Variants in GRID1 observed in about 807,000 individuals in gnomAD.
The protein encoded by GRID1 is glutamate ionotropic receptor delta type subunit 1, also known as glutamate receptor ionotropic, delta-1.
Under a neutral mutation model 98.0 loss-of-function variants are expected in GRID1, and 28 were observed. The observed-to-expected ratio is 0.29, with a 90% confidence interval of 0.21 to 0.39. GRID1 has a LOEUF of 0.39. GRID1 is among the 10% of genes least tolerant of loss of function. The pLI is 1.00. For missense variants in GRID1, 1,111 were observed against 1,340.5 expected, an observed-to-expected ratio of 0.83 and a Z score of 2.67; for synonymous variants, 553 against 538.5, an observed-to-expected ratio of 1.03 and a Z score of -0.37.
intron 4 of GRID1, among the ~76,000 whole-genome samples, chr10:85,969,790 A>T (rs898903400): frequency 1.3e-5 from 2 of 152,038 alleles, no homozygotes; most frequent in African/African-American, 2.4e-5. Context: ...GAAACTAAAA[A>T]GATAAAGAGC....
chr10:86,063,816 C>T (rs184658236), intron 4 of GRID1, among the ~76,000 whole-genome samples: 26 of 152,212 alleles, frequency 1.7e-4, no homozygotes, highest in African/African-American at 6.0e-4. Context: ...AACTCAGGGG[C>T]CTGTTTTTAT....
At chr10:85,667,965 G>A (rs1304071729) in intron 12 of GRID1, among the ~76,000 whole-genome samples, 1 of 152,166 alleles carries the variant, frequency 6.6e-6, no homozygotes, top group East Asian at 1.9e-4. Context: ...CTAAGCCCTA[G>A]GCAAAGGCCA....
intron 12 of GRID1, among the ~76,000 whole-genome samples, chr10:85,676,154 T>C (rs1028265996): frequency 6.6e-5 from 10 of 152,334 alleles, no homozygotes; most frequent in South Asian, 2.1e-4. Context: ...TGGATACTTT[T>C]AGTGTTTCAC....
chr10:85,619,898 C>T lies in GRID1; in HGVS notation c.2329G>A (p.Gly777Ser). The change falls in exon 14 of 16, where the codon GGC becomes AGC. Residue 777 changes from glycine (G) to serine (S), a missense_variant. Physicochemically the swap from Gly to Ser is moderately conservative, Grantham distance 56 (BLOSUM62 0). This residue lies in a region of GRID1 where 762 missense variants were observed against 869.1 expected (regional missense o/e 0.88). Transcript: ENST00000327946. ...SKGYGIALQH[G>S]SPYRDLFSQR... ...GAGAAGAGGTCCCTGTAGGGGCTGC[C>T]ATGCTGCAGGGCAATCCCGTAACCC... is the stretch of plus-strand genomic sequence containing the variant. The T allele has an allele frequency of 1.2e-6, 2 of 1,614,176 alleles. No homozygotes were observed. Among genetic ancestry groups the T allele is most frequent in the South Asian group, 2.2e-5 (2 of 91,084 alleles).
At chr10:85,848,570 T>A (rs1006755779) in intron 8 of GRID1, among the ~76,000 whole-genome samples, 1 of 152,176 alleles carries the variant, frequency 6.6e-6, no homozygotes, top group African/African-American at 2.4e-5. Context: ...TTGATAAATA[T>A]ACATATCATG....
chr10:86,110,514 G>T (rs1427469858), intron 4 of GRID1, among the ~76,000 whole-genome samples: 3 of 152,168 alleles, frequency 2.0e-5, no homozygotes, highest in Non-Finnish European at 4.4e-5. Context: ...GCAATGGGGG[G>T]AAAGCTGGGC....
At chr10:85,857,790 C>A (rs923819319) in intron 6 of GRID1, among the ~76,000 whole-genome samples, 3 of 152,162 alleles carry the variant, frequency 2.0e-5, no homozygotes, top group Non-Finnish European at 4.4e-5. Context: ...GCTCCTTGGG[C>A]TGCAAAAAGA....
intron 8 of GRID1, among the ~76,000 whole-genome samples, chr10:85,828,882 A>ATTCC (rs1564603140): frequency 6.6e-6 from 1 of 152,200 alleles, no homozygotes. Context: ...CAGGTGTATA[A>ATTCC]AGAAGAGCTG....
At chr10:85,937,103 A>G (rs759634831) in intron 4 of GRID1, among the ~76,000 whole-genome samples, 1 of 152,168 alleles carries the variant, frequency 6.6e-6, no homozygotes, top group Non-Finnish European at 1.5e-5. Context: ...GTGGTTTTCA[A>G]CCCTGCACAT....
chr10:86,007,800 GT>G (rs965634164), intron 4 of GRID1, among the ~76,000 whole-genome samples: 2 of 149,526 alleles, frequency 1.3e-5, no homozygotes, highest in Non-Finnish European at 3.0e-5. Flanking sequence ...CCTCAGTTTT[GT>G]TTTTTTTGTT....
chr10:86,292,986 T>C (rs1431629436), intron 2 of GRID1, among the ~76,000 whole-genome samples: 1 of 152,082 alleles, frequency 6.6e-6, no homozygotes, highest in Non-Finnish European at 1.5e-5. Flanking sequence ...GCCTGGACTC[T>C]ACGAAAATCA....
intron 6 of GRID1, among the ~76,000 whole-genome samples, chr10:85,860,590 C>T (rs980407698): frequency 6.6e-6 from 1 of 152,104 alleles, no homozygotes; most frequent in African/African-American, 2.4e-5. Context: ...AGATTTTCGG[C>T]AAGTTTCTCT....
chr10:85,861,656 G>C (rs1369732200), intron 6 of GRID1, among the ~76,000 whole-genome samples: 2 of 152,236 alleles, frequency 1.3e-5, no homozygotes, highest in East Asian at 1.9e-4. Context: ...TCAGCCACGG[G>C]AGCCTTTGGC....
chr10:86,288,580 G>A (rs184590463), intron 2 of GRID1, among the ~76,000 whole-genome samples: 78 of 152,292 alleles, frequency 5.1e-4, no homozygotes, highest in African/African-American at 1.7e-3. Flanking sequence ...CTGAACAGCC[G>A]TGCTTGCCTC....
intron 2 of GRID1, among the ~76,000 whole-genome samples, chr10:86,358,622 G>T (rs1179639418): frequency 7.9e-5 from 12 of 151,928 alleles, no homozygotes; most frequent in Admixed American, 7.9e-4. Context: ...GCCGGGCATG[G>T]TGGCGGGCGC....
chr10:85,652,790 C>G (rs891697082), intron 12 of GRID1, among the ~76,000 whole-genome samples: 1 of 152,136 alleles, frequency 6.6e-6, no homozygotes, highest in Admixed American at 6.5e-5. Flanking sequence ...GTCACCCATG[C>G]AGGGGAAGGC....
In GRID1 at chr10:86,366,403, C is replaced by A; in HGVS notation, c.-11G>T. The A allele has an allele frequency of 2.0e-6, 3 of 1,488,728 alleles. No homozygotes were observed. The highest frequency in any genetic ancestry group is 2.7e-6 in the Non-Finnish European group (3 of 1,115,600). The allele number at this position is 1,488,728 out of a possible 1,614,324, so 92.2% of individuals were successfully genotyped here. A position where few individuals can be genotyped will look rare whatever the true frequency, so the allele number is the denominator to read the frequency against. On this transcript the variant is annotated 5_prime_UTR_variant, in exon 1 of 16. Coordinates refer to ENST00000327946, the MANE Select transcript of GRID1 (RefSeq NM_017551.3). The surrounding 1 kb of genome is among the most constrained non-coding windows in gnomAD (Gnocchi z 4.1). ...CGTCAGCGCTTCCATGTCCCCCGGG[C>A]GCGCGGCTCATCCACCCGGGCCCGG... is the stretch of plus-strand genomic sequence containing the variant.
intron 4 of GRID1, among the ~76,000 whole-genome samples, chr10:85,988,904 C>T (rs1842644134): frequency 6.6e-6 from 1 of 152,164 alleles, no homozygotes; most frequent in Non-Finnish European, 1.5e-5. Context: ...GTCACAGATC[C>T]CTAGAAAGAG....
In GRID1 at chr10:86,138,866, C is replaced by T. The variant is rs368448368; in HGVS notation, c.679G>A (p.Ala227Thr). Residue 227 changes from alanine to threonine, a missense_variant, in exon 4 of 16, where the codon GCC becomes ACC. By Grantham distance (58) the Ala-to-Thr change is moderately conservative. This residue lies in a region of GRID1 where 346 missense variants were observed against 452.3 expected (regional missense o/e 0.76). Coordinates refer to ENST00000327946, the MANE Select transcript of GRID1 (RefSeq NM_017551.3). ...CCCTGTGGGCTGAGCAGCAGGATGGCGCGGCGAAGCGTGTCCCGGTAGCGA... is the reference window on the plus strand; with the variant it reads ...CCCTGTGGGCTGAGCAGCAGGATGGTGCGGCGAAGCGTGTCCCGGTAGCGA... Reference protein sequence around the residue: ...LNRYRDTLRRAILLLSPQGAH... With the variant: ...LNRYRDTLRRTILLLSPQGAH... 3.1e-5 allele frequency: 50 copies of T among 1,614,060 alleles called. No individual in the cohort carries two copies. The highest frequency in any genetic ancestry group is 1.6e-4 in the African/African-American group (12 of 74,934).
Sources: allele counts gnomAD v4.1 joint callset (sites outside exome capture counted in the v4.1 genomes callset), GRCh38; gene constraint gnomAD v4.1.1; regional missense constraint gnomAD v4.1.1; non-coding constraint Gnocchi (gnomAD v3.1); transcripts MANE v1.5; gene names NCBI Gene and HGNC (gene_info 2026-07-23, HGNC 2026-07-21).